Variants in FIGN observed in about 807,000 individuals in gnomAD.
FIGN encodes fidgetin.
A neutral mutation model predicts 51.3 loss-of-function variants in FIGN; 11 were observed. That is an observed-to-expected ratio of 0.21 (90% CI 0.13 to 0.35). The LOEUF is 0.35. FIGN is among the 10% of genes least tolerant of loss of function. FIGN has a pLI of 1.00. For synonymous variants in FIGN, 407 were observed against 363.2 expected (o/e 1.12, Z -1.37); for missense variants, 857 against 943.6 (o/e 0.91, Z 1.20).
chr2:163,720,765 G>A (rs1175139350), intron 2 of FIGN, among the ~76,000 whole-genome samples: 1 of 152,048 alleles, frequency 6.6e-6, no homozygotes, highest in Non-Finnish European at 1.5e-5. Context: ...GCAAAGACAG[G>A]TTGCTCTACT....
chr2:163,725,048 G>A (rs559612837), intron 2 of FIGN, among the ~76,000 whole-genome samples: 12 of 151,996 alleles, frequency 7.9e-5, no homozygotes, highest in Admixed American at 2.0e-4. Flanking sequence ...TGACTTTCTC[G>A]AACTTGTGCC....
chr2:163,625,535 G>A (rs983194208), intron 2 of FIGN, among the ~76,000 whole-genome samples: 3 of 151,934 alleles, frequency 2.0e-5, no homozygotes, highest in African/African-American at 4.8e-5. Context: ...ATGAGAGTTA[G>A]CTAGGCTTCT....
chr2:163,625,285 C>A (rs1417965617), intron 2 of FIGN, among the ~76,000 whole-genome samples: 1 of 151,912 alleles, frequency 6.6e-6, no homozygotes, highest in Admixed American at 6.6e-5. Flanking sequence ...AATGGCATTT[C>A]TATCACTAAG....
At position 163,611,755 on chromosome 2, in the gene FIGN, A is replaced by T. The variant is rs762510306; in HGVS notation, c.77T>A (p.Phe26Tyr). 7 of 1,613,978 alleles carry T rather than the reference A, an allele frequency of 4.3e-6. No individual in the cohort carries two copies. The East Asian group carries it at 1.6e-4, about 36-fold the overall frequency. Residue 26 changes from phenylalanine to tyrosine, a missense_variant, in exon 3 of 3, where the codon TTT becomes TAT. Physicochemically the swap from Phe to Tyr is conservative, Grantham distance 22. Coordinates refer to ENST00000333129, the MANE Select transcript of FIGN (RefSeq NM_018086.4). ...PEHAQWPEQH[F>Y]DITSTTRSPA... is the part of the protein sequence containing the mutation. Reference sequence around the variant, plus strand: ...AGACCGAGTGGTTGAGGTGATGTCAAAGTGCTGTTCTGGCCACTGGGCATG... The same window carrying T: ...AGACCGAGTGGTTGAGGTGATGTCATAGTGCTGTTCTGGCCACTGGGCATG...
At chr2:163,672,233 A>G (rs890237336) in intron 2 of FIGN, among the ~76,000 whole-genome samples, 7 of 148,188 alleles carry the variant, frequency 4.7e-5, no homozygotes, top group African/African-American at 1.8e-4. Flanking sequence ...ATTAGATAAC[A>G]AGTTATTTCA....
At chr2:163,678,090 T>C (rs1246445497) in intron 2 of FIGN, among the ~76,000 whole-genome samples, 1 of 152,254 alleles carries the variant, frequency 6.6e-6, no homozygotes, top group African/African-American at 2.4e-5. Flanking sequence ...AATGAACCAA[T>C]ACCAATACAC....
rs375057438 is a variant in FIGN, at chr2:163,611,089, G to C, written c.743C>G (p.Pro248Arg). The change falls in exon 3 of 3, where the codon CCG becomes CGG. Residue 248 changes from proline (P) to arginine (R), a missense_variant. Around this residue, in one of 3 missense-constraint regions of FIGN, gnomAD observed 799 missense variants for 849.5 expected, o/e 0.94. Transcript: ENST00000333129. ...AGTCTGAGGAGGATAGCTAGCAGACGGATAGCTGTAACTGGAGAGGTTAGA... is the reference window on the plus strand; with the variant it reads ...AGTCTGAGGAGGATAGCTAGCAGACCGATAGCTGTAACTGGAGAGGTTAGA... ...GTSNLSSYSY[P>R]SASYPPQTAV... is the part of the protein sequence containing the mutation. The C allele has an allele frequency of 5.6e-6, 9 of 1,613,948 alleles. No homozygotes were observed. The highest frequency in any genetic ancestry group is 1.1e-5 in the South Asian group (1 of 91,080).
chr2:163,675,161 G>C (rs905553112), intron 2 of FIGN, among the ~76,000 whole-genome samples: 3 of 152,172 alleles, frequency 2.0e-5, no homozygotes, highest in African/African-American at 7.2e-5. Flanking sequence ...AATATTAACA[G>C]AAGTGGATGT....
chr2:163,652,305 CA>C (rs1256001425), intron 2 of FIGN, among the ~76,000 whole-genome samples: 1 of 148,410 alleles, frequency 6.7e-6, no homozygotes, highest in East Asian at 2.0e-4. Flanking sequence ...AAGAGAATTC[CA>C]TAAGAGAGGA....
chr2:163,609,208 C>G lies in FIGN; in HGVS notation c.*344G>C, dbSNP rs1574221897. On this transcript the variant is annotated 3_prime_UTR_variant, in exon 3 of 3. Coordinates refer to ENST00000333129, the MANE Select transcript of FIGN (RefSeq NM_018086.4). ...ATAAAGCACCACTCCAGGCACTTGA[C>G]AGCAACTAAATCTCGAGAACAGCAG... 8.7e-6 allele frequency: 2 copies of G among 230,366 alleles called. No homozygotes were observed. Among genetic ancestry groups the G allele is most frequent in the East Asian group, 1.8e-4 (2 of 10,994 alleles). The allele number at this position is 230,366 out of a possible 1,614,324, so 14.3% of individuals were successfully genotyped here.
At chr2:163,693,211 C>T (rs1425610557) in intron 2 of FIGN, among the ~76,000 whole-genome samples, 2 of 152,060 alleles carry the variant, frequency 1.3e-5, no homozygotes, top group Admixed American at 1.3e-4. Context: ...GGCCCTTTAT[C>T]TAGTCAAGAG....
chr2:163,691,694 C>T (rs1280593629), intron 2 of FIGN, among the ~76,000 whole-genome samples: 1 of 152,070 alleles, frequency 6.6e-6, no homozygotes, highest in African/African-American at 2.4e-5. Context: ...ATGTTACCTA[C>T]ACTAAAATGG....
At chr2:163,655,913 T>TA (rs1683552996) in intron 2 of FIGN, among the ~76,000 whole-genome samples, 2 of 152,088 alleles carry the variant, frequency 1.3e-5, no homozygotes, top group South Asian at 4.1e-4. Context: ...TGGAGGTACT[T>TA]ACAGCATAAG....
intron 2 of FIGN, among the ~76,000 whole-genome samples, chr2:163,638,763 T>C (rs1313272044): frequency 6.6e-6 from 1 of 152,172 alleles, no homozygotes; most frequent in African/African-American, 2.4e-5. Context: ...TGACATGATG[T>C]AATTTCCTAA....
chr2:163,685,021 G>A (rs968073882), intron 2 of FIGN, among the ~76,000 whole-genome samples: 13 of 149,762 alleles, frequency 8.7e-5, no homozygotes, highest in African/African-American at 2.2e-4. Context: ...TACTGACCTC[G>A]TGATTCACCC....
intron 2 of FIGN, among the ~76,000 whole-genome samples, chr2:163,646,330 C>T (rs115915207): frequency 2.0e-5 from 3 of 152,002 alleles, no homozygotes; most frequent in Non-Finnish European, 2.9e-5. Context: ...ACAATTGCTG[C>T]CATGTCACTA....
chr2:163,653,965 C>A (rs1683518808), intron 2 of FIGN, among the ~76,000 whole-genome samples: 1 of 152,014 alleles, frequency 6.6e-6, no homozygotes, highest in Non-Finnish European at 1.5e-5. Flanking sequence ...CTTAAGTTTG[C>A]ATGAATGTTT....
At chr2:163,696,837 T>C (rs1248519086) in intron 2 of FIGN, among the ~76,000 whole-genome samples, 1 of 149,168 alleles carries the variant, frequency 6.7e-6, no homozygotes, top group African/African-American at 2.5e-5. Flanking sequence ...CTGGCTAATT[T>C]TTTTTTTTTT....
chr2:163,648,035 T>C (rs1683410220), intron 2 of FIGN, among the ~76,000 whole-genome samples: 2 of 152,028 alleles, frequency 1.3e-5, no homozygotes, highest in South Asian at 4.1e-4. Flanking sequence ...CCCAGGCACA[T>C]GCAAGCAGGC....
Sources: allele counts gnomAD v4.1 joint callset (sites outside exome capture counted in the v4.1 genomes callset), GRCh38; gene constraint gnomAD v4.1.1; regional missense constraint gnomAD v4.1.1; transcripts MANE v1.5; gene names NCBI Gene and HGNC (gene_info 2026-07-23, HGNC 2026-07-21).